The following CLCC1 variants were observed in gnomAD, a reference collection of about 807,000 sequenced individuals.
CLCC1 encodes the protein chloride channel CLIC like 1.
A neutral mutation model predicts 63.3 loss-of-function variants in CLCC1; 39 were observed. The ratio of observed to expected loss-of-function variants is 0.62; its 90% CI spans 0.48 to 0.81. The LOEUF is 0.81. Ranked by LOEUF, CLCC1 falls within the 30% of genes least tolerant of loss-of-function variation. CLCC1 has a pLI of 0.00. For synonymous variants in CLCC1, 217 were observed against 239.8 expected, an observed-to-expected ratio of 0.90 and a Z score of 0.88; for missense variants, 549 against 669.4, an observed-to-expected ratio of 0.82 and a Z score of 1.98.
rs1431478541 is a variant in CLCC1 at position 108,931,120 on chromosome 1, C to T, written c.*1427G>A. On this transcript the variant is annotated 3_prime_UTR_variant, in exon 13 of 13. Transcript: ENST00000369969. ...ATTATTTAAAATGGTCTCTTCTGTTCCATAATACTGCTGTAAAACAAACTT... is the reference window on the plus strand; with the variant it reads ...ATTATTTAAAATGGTCTCTTCTGTTTCATAATACTGCTGTAAAACAAACTT... 1 of 473,172 alleles carries T rather than the reference C, an allele frequency of 2.1e-6. No individual in the cohort carries two copies. The highest frequency in any genetic ancestry group is 3.7e-6 in the Non-Finnish European group (1 of 270,534). 29.3% of individuals were successfully genotyped at this position (473,172 alleles called of 1,614,324 possible). A position where few individuals can be genotyped will look rare whatever the true frequency, so the allele number is the denominator to read the frequency against.
In CLCC1 at chr1:108,941,408, A is replaced by G. The variant is rs753801742; in HGVS notation, c.793T>C (p.Trp265Arg). The G allele has an allele frequency of 3.8e-5, 62 of 1,613,626 alleles. No homozygotes were observed. The highest frequency in any genetic ancestry group is 5.1e-5 in the Non-Finnish European group (60 of 1,179,694). The change falls in exon 8 of 13, where the codon TGG becomes CGG. Residue 265 changes from tryptophan (W) to arginine (R), a missense_variant. Physicochemically the swap from Trp to Arg is moderately radical, Grantham distance 101 (BLOSUM62 -3). Coordinates refer to ENST00000369969, the MANE Select transcript of CLCC1 (RefSeq NM_001377458.1). ...AKKMDWTGSI[W>R]EWFRSSWTYK... The stretch of plus-strand genomic sequence containing the variant: ...GACAAGTGCACAAACACCTTACCCC[A>G]GATACTTCCAGTCCAGTCCATCTTT...
intron 12 of CLCC1, 142 bp from the exon 13 acceptor site, chr1:108,932,643 T>A (rs1413845288): frequency 1.3e-5 from 2 of 152,188 alleles, no homozygotes; most frequent in Non-Finnish European, 2.9e-5. Context: ...CTTTTCAGAG[T>A]CAGATCACAG....
intron 2 of CLCC1, among the ~76,000 whole-genome samples, chr1:108,961,991 T>C (rs1656710635): frequency 6.6e-6 from 1 of 152,194 alleles, no homozygotes; most frequent in South Asian, 2.1e-4. Context: ...ACAAAGTAAC[T>C]TGCCTAAGAC....
chr1:108,949,942 AT>A, intron 3 of CLCC1, 21 bp from the exon 4 acceptor site: 1 of 1,411,404 alleles, frequency 7.1e-7, no homozygotes, highest in Non-Finnish European at 9.8e-7. Context: ...GTATAGAAAC[AT>A]TTTATTTCTT....
chr1:108,942,181 T>A (rs1653941750), intron 7 of CLCC1, among the ~76,000 whole-genome samples: 2 of 152,166 alleles, frequency 1.3e-5, no homozygotes. Context: ...GAGGTTGCAT[T>A]GAGCCGAGAT....
At chr1:108,948,531 C>T (rs1654824832) in intron 4 of CLCC1, among the ~76,000 whole-genome samples, 1 of 151,976 alleles carries the variant, frequency 6.6e-6, no homozygotes. Context: ...TTGAGCAGCA[C>T]ACAGACTTAA....
Position 108,949,850 on chromosome 1 carries a change from A to G in CLCC1, c.201T>C (p.Cys67=). Residue 67 remains cysteine, a synonymous_variant, in exon 4 of 13, where the codon TGT becomes TGC. Transcript: ENST00000369969. The part of the protein sequence containing the change: ...DLSCADEISE[C]YHKLDSLTYK... ...AAGTTAAAGAATCAAGTTTGTGATAACATTCTGATATTTCATCAGCACATG... is the reference window on the plus strand; with the variant it reads ...AAGTTAAAGAATCAAGTTTGTGATAGCATTCTGATATTTCATCAGCACATG... The G allele has an allele frequency of 6.3e-7, 1 of 1,586,728 alleles. No individual in the cohort carries two copies. Among genetic ancestry groups the G allele is most frequent in the East Asian group, 2.3e-5 (1 of 44,066 alleles).
intron 2 of CLCC1, among the ~76,000 whole-genome samples, chr1:108,961,501 A>G (rs1210875708): frequency 6.6e-6 from 1 of 152,142 alleles, no homozygotes; most frequent in African/African-American, 2.4e-5. Context: ...AGTCCCTACT[A>G]TTTTTACCAT....
At chr1:108,945,186 A>G (rs1033632838) in intron 5 of CLCC1, among the ~76,000 whole-genome samples, 9 of 152,162 alleles carry the variant, frequency 5.9e-5, no homozygotes, top group African/African-American at 1.9e-4. Flanking sequence ...ACTGAAGCCT[A>G]TCTAATACAC....
intron 7 of CLCC1, 59 bp from the exon 8 acceptor site, chr1:108,941,557 C>A: frequency 8.2e-7 from 1 of 1,226,900 alleles, no homozygotes; most frequent in Non-Finnish European, 1.2e-6. Flanking sequence ...TAGGCCTACA[C>A]ATCCAAAAGA....
intron 1 of CLCC1, 26 bp downstream of exon 1, chr1:108,963,335 C>T (rs1405736763): frequency 1.4e-6 from 1 of 699,492 alleles, no homozygotes; most frequent in Non-Finnish European, 2.6e-6. Flanking sequence ...ACCCGCCGCA[C>T]AACACACCCA....
intron 4 of CLCC1, among the ~76,000 whole-genome samples, chr1:108,949,481 TTGTTGAG>T (rs1293323286): frequency 6.6e-6 from 1 of 152,196 alleles, no homozygotes; most frequent in Non-Finnish European, 1.5e-5. Context: ...TTTGCTACAT[TTGTTGAG>T]AGTTTACTAT....
chr1:108,956,782 A>G (rs1446072152), intron 2 of CLCC1, among the ~76,000 whole-genome samples: 1 of 147,974 alleles, frequency 6.8e-6, no homozygotes, highest in Non-Finnish European at 1.5e-5. Context: ...CAGAGAGAAG[A>G]CACAGCAAGT....
chr1:108,932,219 A>G lies in CLCC1; in HGVS notation c.*328T>C, dbSNP rs1652112219. On this transcript the variant is annotated 3_prime_UTR_variant, in exon 13 of 13. Transcript: ENST00000369969. ...AACCTGGGAGGTGGAGGTTGCAGTG[A>G]GCCGAGATTGTACCACCTCACTCCA... is the stretch of plus-strand genomic sequence containing the variant. 6.6e-6 allele frequency: 1 copy of G among 152,268 alleles called. No homozygotes were observed. Among genetic ancestry groups the G allele is most frequent in the South Asian group, 2.1e-4 (1 of 4,830 alleles). The allele number at this position is 152,268 out of a possible 1,614,324, so 9.4% of individuals were successfully genotyped here.
intron 9 of CLCC1, 98 bp from the exon 10 acceptor site, chr1:108,939,880 T>C: frequency 7.3e-6 from 10 of 1,377,390 alleles, no homozygotes; most frequent in African/African-American, 1.5e-5. Flanking sequence ...GTATGTTACA[T>C]AAATTAAAAT....
chr1:108,942,707 G>A (rs964889336), intron 7 of CLCC1, among the ~76,000 whole-genome samples: 1 of 152,090 alleles, frequency 6.6e-6, no homozygotes, highest in Non-Finnish European at 1.5e-5. Context: ...ATTTTCTCTA[G>A]GTGATAAAAT....
At chr1:108,958,832 A>C (rs1656257227) in intron 2 of CLCC1, among the ~76,000 whole-genome samples, 1 of 150,708 alleles carries the variant, frequency 6.6e-6, no homozygotes, top group African/African-American at 2.5e-5. Flanking sequence ...GTGAGCCAAG[A>C]TTACACCACT....
chr1:108,952,817 A>G (rs533665429), intron 2 of CLCC1, among the ~76,000 whole-genome samples: 47 of 151,476 alleles, frequency 3.1e-4, no homozygotes, highest in African/African-American at 9.7e-4. Flanking sequence ...AAAAAAAAAG[A>G]AAGAAAGGTG....
chr1:108,939,317 T>C (rs1181994253), intron 10 of CLCC1, among the ~76,000 whole-genome samples: 1 of 146,292 alleles, frequency 6.8e-6, no homozygotes, highest in Non-Finnish European at 1.5e-5. Context: ...TAATTTTTTT[T>C]TTTTTTTGAG....
Sources: gnomAD v4.1 joint callset for allele counts (sites outside exome capture counted in the v4.1 genomes callset) on GRCh38, gnomAD v4.1.1 for gene constraint, MANE v1.5 for transcripts, NCBI Gene and HGNC (gene_info 2026-07-23, HGNC 2026-07-21) for gene names.